The following ADCY8 variants were observed in gnomAD, a reference collection of about 807,000 sequenced individuals.
The protein encoded by ADCY8 is adenylate cyclase 8.
Under a neutral mutation model 119.7 loss-of-function variants are expected in ADCY8, and 51 were observed. The observed-to-expected ratio is 0.43, with a 90% CI of 0.34 to 0.54. ADCY8 has a LOEUF of 0.54. Among genes scored for constraint, ADCY8 ranks in the 20% least tolerant of loss-of-function variants. ADCY8 has a pLI of 0.03. For missense variants in ADCY8, 1,383 were observed against 1,598.8 expected, an observed-to-expected ratio of 0.87 and a Z score of 2.30; for synonymous variants, 665 against 651.0, an observed-to-expected ratio of 1.02 and a Z score of -0.33.
chr8:130,951,144 T>G (rs1051114746), intron 3 of ADCY8, among the ~76,000 whole-genome samples: 2 of 144,672 alleles, frequency 1.4e-5, no homozygotes, highest in Non-Finnish European at 3.0e-5. Context: ...ACTTATATGA[T>G]CCACATAAAA....
At chr8:130,938,124 T>C (rs1273498278) in intron 4 of ADCY8, among the ~76,000 whole-genome samples, 1 of 152,206 alleles carries the variant, frequency 6.6e-6, no homozygotes, top group East Asian at 1.9e-4. Flanking sequence ...CGAGTCACAC[T>C]GCACAGGATC....
At chr8:130,817,798 T>C (rs2130185700) in intron 13 of ADCY8, among the ~76,000 whole-genome samples, 1 of 152,364 alleles carries the variant, frequency 6.6e-6, no homozygotes, top group East Asian at 1.9e-4. Flanking sequence ...CTTTGCTTTA[T>C]GAATTGTACT....
At chr8:131,001,630 T>TTA (rs900365685) in intron 1 of ADCY8, among the ~76,000 whole-genome samples, 87 of 148,162 alleles carry the variant, frequency 5.9e-4, no homozygotes, top group African/African-American at 1.7e-3. Context: ...TATATATACA[T>TTA]TATATATATA....
chr8:130,916,522 TCTGGCCATAAACTGGCCCCAAAA>T (rs1328170668), intron 5 of ADCY8, among the ~76,000 whole-genome samples: 1 of 152,252 alleles, frequency 6.6e-6, no homozygotes, highest in Non-Finnish European at 1.5e-5. Context: ...CCCCTCAATG[TCTGGCCATAAACTGGCCCCAAAA>T]CTGGCCATAA....
At position 130,903,772 on chromosome 8, in the gene ADCY8, A is replaced by G. The variant is rs373297567; in HGVS notation, c.1911T>C (p.Asn637=). ...GCAGAAGGAGGAAGAGAGGACTTAC[A>G]TTCTGTTTCCCCACGATATTATCAA... is the stretch of plus-strand genomic sequence containing the variant. The part of the protein sequence containing the change: ...LPFDNIVGKQ[N]TLAALTRNSI... The change falls in exon 7 of 18, where the codon AAT becomes AAC. Residue 637 remains asparagine, a splice_region_variant and synonymous_variant. Transcript: ENST00000286355. The G allele has an allele frequency of 1.7e-5, 28 of 1,611,850 alleles. No homozygotes were observed. Among genetic ancestry groups the G allele is most frequent in the Non-Finnish European group, 2.2e-5 (26 of 1,179,846 alleles).
At chr8:130,987,023 A>C (rs540659788) in intron 2 of ADCY8, among the ~76,000 whole-genome samples, 116 of 152,254 alleles carry the variant, frequency 7.6e-4, no homozygotes, top group Admixed American at 3.5e-3. Context: ...CTCATCCTCC[A>C]GGTCCAATTC....
At chr8:130,956,362 C>G (rs1210139192) in intron 2 of ADCY8, among the ~76,000 whole-genome samples, 1 of 152,210 alleles carries the variant, frequency 6.6e-6, no homozygotes, top group African/African-American at 2.4e-5. Flanking sequence ...CAGGTCACTA[C>G]AATGCGTGCT....
intron 16 of ADCY8, 51 bp from the exon 17 acceptor site, chr8:130,783,856 C>T: frequency 6.9e-7 from 1 of 1,445,118 alleles, no homozygotes. Flanking sequence ...TGTGGGGGAA[C>T]ATTAACATTT....
chr8:130,893,764 TTA>T (rs1266810271), intron 7 of ADCY8, among the ~76,000 whole-genome samples: 1 of 146,304 alleles, frequency 6.8e-6, no homozygotes, highest in Non-Finnish European at 1.5e-5. Context: ...GTGTGCATGT[TTA>T]TGTGTGTGTG....
intron 7 of ADCY8, 41 bp from the exon 8 acceptor site, chr8:130,884,802 C>A: frequency 1.3e-6 from 2 of 1,575,838 alleles, no homozygotes; most frequent in African/African-American, 1.3e-5. Context: ...ACCTGCTAGT[C>A]CCCTTTAGAT....
chr8:130,815,988 G>C (rs902707603), intron 13 of ADCY8, among the ~76,000 whole-genome samples: 8 of 152,146 alleles, frequency 5.3e-5, no homozygotes, highest in Non-Finnish European at 8.8e-5. Context: ...GCAGTTCTGC[G>C]TATGTCATTA....
At chr8:130,869,586 C>T (rs1245473955) in intron 8 of ADCY8, among the ~76,000 whole-genome samples, 3 of 146,402 alleles carry the variant, frequency 2.0e-5, no homozygotes, top group Non-Finnish European at 4.5e-5. Context: ...GGTGTGATCT[C>T]GGTTCACTGC....
At chr8:130,847,835 T>C (rs185387760) in intron 10 of ADCY8, among the ~76,000 whole-genome samples, 1 of 152,284 alleles carries the variant, frequency 6.6e-6, no homozygotes, top group East Asian at 1.9e-4. Flanking sequence ...GAAAGCCAGA[T>C]GGCAGGAGAA....
chr8:130,796,456 T>C (rs546446366), intron 15 of ADCY8, among the ~76,000 whole-genome samples: 8 of 152,256 alleles, frequency 5.3e-5, no homozygotes, highest in African/African-American at 1.9e-4. Context: ...GTTCAGCTTT[T>C]CTCTGAGCCA....
chr8:130,969,684 C>G (rs1821865972), intron 2 of ADCY8, among the ~76,000 whole-genome samples: 2 of 152,180 alleles, frequency 1.3e-5, no homozygotes, highest in South Asian at 4.1e-4. Context: ...TCAGTCACCT[C>G]TAACCATGAG....
chr8:131,039,460 C>T lies in ADCY8; in HGVS notation c.874G>A (p.Ala292Thr), dbSNP rs1295118403. The T allele has an allele frequency of 2.5e-6, 4 of 1,614,040 alleles. No individual in the cohort carries two copies. Among genetic ancestry groups the T allele is most frequent in the Admixed American group, 3.3e-5 (2 of 60,014 alleles). ...GAGGTGCCCAGGCCGGCCAGGATGGCCCAGGTGAGCGGCAGCGGCAGCATA... is the reference window on the plus strand; with the variant it reads ...GAGGTGCCCAGGCCGGCCAGGATGGTCCAGGTGAGCGGCAGCGGCAGCATA... The part of the protein sequence containing the change: ...YSMLPLPLTW[A>T]ILAGLGTSLL... Residue 292 changes from alanine to threonine, a missense_variant, in exon 1 of 18, where the codon GCC (alanine) becomes ACC (threonine). By Grantham distance (58) the Ala-to-Thr change is moderately conservative (BLOSUM62 0). Transcript: ENST00000286355.
At chr8:130,841,434 G>A (rs1000954552) in intron 11 of ADCY8, among the ~76,000 whole-genome samples, 1 of 152,154 alleles carries the variant, frequency 6.6e-6, no homozygotes, top group African/African-American at 2.4e-5. Flanking sequence ...ATGACAAGGT[G>A]TTAAGGGCAG....
chr8:130,940,628 T>C (rs1020413481), intron 4 of ADCY8, among the ~76,000 whole-genome samples: 16 of 152,208 alleles, frequency 1.1e-4, no homozygotes, highest in Non-Finnish European at 2.1e-4. Flanking sequence ...AGCTGTCAGA[T>C]GACTTGACAG....
chr8:131,002,553 T>C (rs1586646546), intron 1 of ADCY8, among the ~76,000 whole-genome samples: 1 of 152,302 alleles, frequency 6.6e-6, no homozygotes, highest in East Asian at 1.9e-4. Flanking sequence ...CTGCCTGCCC[T>C]TTATAAATAG....
Sources: allele counts gnomAD v4.1 joint callset (sites outside exome capture counted in the v4.1 genomes callset), GRCh38; gene constraint gnomAD v4.1.1; transcripts MANE v1.5; gene names NCBI Gene and HGNC (gene_info 2026-07-23, HGNC 2026-07-21).